Variants in STYK1 observed in about 807,000 individuals in gnomAD.
STYK1 encodes STY kinase 1, also known as tyrosine-protein kinase STYK1.
STYK1 carries 46 observed loss-of-function variants against 48.1 expected under a neutral mutation model. That is an observed-to-expected ratio of 0.96 (90% CI 0.75 to 1.22). The LOEUF is 1.22. Among genes scored for constraint, STYK1 ranks in the 50% most tolerant of loss-of-function variants. The pLI is 0.00. For missense variants in STYK1, 527 were observed against 521.1 expected (o/e 1.01, Z -0.11); for synonymous variants, 188 against 189.0 (o/e 0.99, Z 0.04).
At chr12:10,654,971 C>T (rs556939547) in intron 1 of STYK1, among the ~76,000 whole-genome samples, 9 of 152,190 alleles carry the variant, frequency 5.9e-5, no homozygotes, top group Admixed American at 4.6e-4. Flanking sequence ...TCTCTCTGAG[C>T]TCCTTGCCTT....
At chr12:10,646,615 C>T (rs10845189) in intron 1 of STYK1, among the ~76,000 whole-genome samples, 87,109 of 152,106 alleles carry the variant, frequency 0.57, 25,365 homozygotes, top group East Asian at 0.79. Context: ...AAATTCAAGC[C>T]AGCTGCAGAA....
intron 1 of STYK1, among the ~76,000 whole-genome samples, chr12:10,659,151 G>T (rs1008240097): frequency 1.3e-5 from 2 of 152,304 alleles, no homozygotes; most frequent in Non-Finnish European, 2.9e-5. Context: ...ACTAATGAAA[G>T]ACTGAAATAA....
rs1947903324 is a variant in STYK1 at position 10,672,735 on chromosome 12, CA to C, written c.-195+1230del. 6.6e-6 allele frequency among the ~76,000 whole-genome samples: 1 copy of C among 152,172 alleles called. No individual in the cohort carries two copies. Among genetic ancestry groups the C allele is most frequent in the Non-Finnish European group, 1.5e-5 (1 of 68,024 alleles). On this transcript the variant is annotated intron_variant, in intron 1 of 10. Transcript: ENST00000075503. This position sits in a 1 kb window ranked among gnomAD's most constrained non-coding sequence, Gnocchi z 4.0. ...AAAATCAGTCCCTGGTGCCTGGTGC[CA>C]AAAGCCATGCAGTTTGTGGTACCTT...
Position 10,619,248 on chromosome 12 carries a change from G to A in STYK1, c.*896C>T, listed in dbSNP as rs1237115622. ...ATCAACAGATGATTGAAAATTAGAA[G>A]CTGCTATCCTTCCATATCAGATTAC... On this transcript the variant is annotated 3_prime_UTR_variant, in exon 11 of 11. Transcript: ENST00000075503. The A allele has an allele frequency of 6.6e-6, 1 of 151,998 alleles. No individual in the cohort carries two copies. The highest frequency in any genetic ancestry group is 1.5e-5 in the Non-Finnish European group (1 of 68,002). The allele number at this position is 151,998 out of a possible 1,614,324, so 9.4% of individuals were successfully genotyped here.
intron 4 of STYK1, among the ~76,000 whole-genome samples, chr12:10,633,028 T>A (rs998026270): frequency 6.6e-6 from 1 of 152,180 alleles, no homozygotes; most frequent in African/African-American, 2.4e-5. Flanking sequence ...AATATGAGAA[T>A]TGAGTTCAAG....
At chr12:10,628,433 G>A (rs890445158) in intron 6 of STYK1, among the ~76,000 whole-genome samples, 3 of 152,156 alleles carry the variant, frequency 2.0e-5, no homozygotes, top group African/African-American at 4.8e-5. Flanking sequence ...ATAGAGATGC[G>A]TGGTATTTTT....
chr12:10,649,219 T>C (rs1005701426), intron 1 of STYK1, among the ~76,000 whole-genome samples: 5 of 152,218 alleles, frequency 3.3e-5, no homozygotes, highest in African/African-American at 7.2e-5. Context: ...AACCATGTGT[T>C]CAAAATTGCC....
intron 1 of STYK1, among the ~76,000 whole-genome samples, chr12:10,646,755 T>C (rs1008639684): frequency 1.3e-5 from 2 of 152,124 alleles, no homozygotes; most frequent in African/African-American, 4.8e-5. Context: ...GATAAAATGG[T>C]TTCATGGGCT....
At chr12:10,661,941 A>G (rs1947781350) in intron 1 of STYK1, among the ~76,000 whole-genome samples, 1 of 152,240 alleles carries the variant, frequency 6.6e-6, no homozygotes, top group Non-Finnish European at 1.5e-5. Context: ...AAAGTATGCA[A>G]CCATCACCAC....
rs1947896674 is a variant in STYK1 at position 10,672,089 on chromosome 12, G to A, written c.-195+1877C>T. 6.6e-6 allele frequency among the ~76,000 whole-genome samples: 1 copy of A among 152,102 alleles called. No individual in the cohort carries two copies. Among genetic ancestry groups the A allele is most frequent in the Non-Finnish European group, 1.5e-5 (1 of 68,022 alleles). ...GGGGAAATTCAGAGACATATATACA[G>A]GGAGAACACCATATAAACATCAAGA... On this transcript the variant is annotated intron_variant, in intron 1 of 10. Transcript: ENST00000075503. The surrounding 1 kb of genome is among the most constrained non-coding windows in gnomAD (Gnocchi z 4.0).
At chr12:10,622,096 A>G in intron 9 of STYK1, 124 bp from the exon 10 acceptor site, 1 of 740,338 alleles carries the variant, frequency 1.4e-6, no homozygotes, top group South Asian at 1.8e-5. Context: ...AATACTACAT[A>G]CAATTCAGTT....
At chr12:10,664,189 T>C (rs1339497880) in intron 1 of STYK1, among the ~76,000 whole-genome samples, 1 of 152,172 alleles carries the variant, frequency 6.6e-6, no homozygotes, top group African/African-American at 2.4e-5. Flanking sequence ...CGTTCTGTAG[T>C]TGTCTTGGTG....
chr12:10,636,932 C>G (rs1045942905), intron 2 of STYK1, 139 bp downstream of exon 2: 1 of 152,210 alleles, frequency 6.6e-6, no homozygotes, highest in Admixed American at 6.5e-5. Context: ...CGTGTACCCC[C>G]ACATGGGCAC....
rs751980693 is a variant in STYK1 at position 10,620,136 on chromosome 12, G to A, written c.*8C>T. The A allele has an allele frequency of 2.0e-5, 32 of 1,613,990 alleles. No homozygotes were observed. The highest frequency in any genetic ancestry group is 4.0e-5 in the African/African-American group (3 of 74,900). ...ACTCATGCATGAATGTTTCTTGCCC[G>A]AGACTCTTCAAAGCATGCTATAGTT... On this transcript the variant is annotated 3_prime_UTR_variant, in exon 11 of 11. Coordinates refer to ENST00000075503, the MANE Select transcript of STYK1 (RefSeq NM_018423.3).
rs1565568180 is a variant in STYK1 at position 10,646,884 on chromosome 12, G to A, written c.-194-9688C>T. Among the ~76,000 whole-genome samples, 6 of 152,342 alleles carry A rather than the reference G, an allele frequency of 3.9e-5. No homozygotes were observed. In the East Asian group the frequency reaches 1.2e-3, roughly 29 times the overall value. On this transcript the variant is annotated intron_variant, in intron 1 of 10. Transcript: ENST00000075503. ...TGGGCTGTTGCTTCAGAGAGTGAAA[G>A]CCCCAAGCCTTGGCAGCTTCCATGT...
At chr12:10,645,294 G>A (rs569534353) in intron 1 of STYK1, among the ~76,000 whole-genome samples, 1 of 152,272 alleles carries the variant, frequency 6.6e-6, no homozygotes, top group East Asian at 1.9e-4. Flanking sequence ...AGGATGTGGA[G>A]AAAATGTGTT....
At chr12:10,639,154 A>G (rs1947517164) in intron 1 of STYK1, among the ~76,000 whole-genome samples, 1 of 152,136 alleles carries the variant, frequency 6.6e-6, no homozygotes, top group African/African-American at 2.4e-5. Flanking sequence ...AAAAAACAAA[A>G]CCAAAACAAA....
intron 1 of STYK1, among the ~76,000 whole-genome samples, chr12:10,644,221 TC>T (rs2120707174): frequency 6.6e-6 from 1 of 152,304 alleles, no homozygotes; most frequent in South Asian, 2.1e-4. Flanking sequence ...TGAGGGAGTT[TC>T]TTTATGGTGA....
intron 8 of STYK1, 47 bp downstream of exon 8, chr12:10,624,604 C>T: frequency 1.3e-6 from 2 of 1,568,656 alleles, no homozygotes; most frequent in Non-Finnish European, 1.8e-6. Context: ...AGGGACAACA[C>T]CCAAGTCATG....
Sources: gnomAD v4.1 joint callset for allele counts (sites outside exome capture counted in the v4.1 genomes callset) on GRCh38, gnomAD v4.1.1 for gene constraint, Gnocchi (gnomAD v3.1) non-coding constraint, MANE v1.5 for transcripts, NCBI Gene and HGNC (gene_info 2026-07-23, HGNC 2026-07-21) for gene names.